The following KIF13A variants were observed in gnomAD, a reference collection of about 807,000 sequenced individuals.
KIF13A encodes kinesin-like protein KIF13A.
A neutral mutation model predicts 212.2 loss-of-function variants in KIF13A; 79 were observed. That is an observed-to-expected ratio of 0.37 (90% CI 0.31 to 0.45). The LOEUF is 0.45. Among genes scored for constraint, KIF13A ranks in the 20% least tolerant of loss-of-function variants. KIF13A has a pLI of 1.00. For missense variants in KIF13A, 1,901 were observed against 2,209.0 expected, an observed-to-expected ratio of 0.86 and a Z score of 2.79; for synonymous variants, 789 against 808.6, an observed-to-expected ratio of 0.98 and a Z score of 0.41.
chr6:17,850,399 A>C lies in KIF13A; in HGVS notation c.641T>G (p.Met214Arg). The change falls in exon 8 of 39, where the codon ATG becomes AGG. Residue 214 changes from methionine to arginine, a missense_variant. By Grantham distance (91) the Met-to-Arg change is moderately conservative (BLOSUM62 -1). Transcript: ENST00000259711. This position sits in a 1 kb window ranked among gnomAD's most constrained non-coding sequence, Gnocchi z 6.2. ...NKSRTVAATN[M>R]NEESSRSHAV... ...ATGGGAGCGGCTGCTTTCTTCGTTCATGTTGGTAGCAGCTACCGTTCGAGA... is the reference window on the plus strand; with the variant it reads ...ATGGGAGCGGCTGCTTTCTTCGTTCCTGTTGGTAGCAGCTACCGTTCGAGA... 1 of 1,613,928 alleles carries C rather than the reference A, an allele frequency of 6.2e-7. No individual in the cohort carries two copies. The highest frequency in any genetic ancestry group is 1.3e-5 in the African/African-American group (1 of 75,036).
chr6:17,790,141 C>A (rs1761407562), intron 25 of KIF13A, among the ~76,000 whole-genome samples: 1 of 152,210 alleles, frequency 6.6e-6, no homozygotes, highest in South Asian at 2.1e-4. Flanking sequence ...TGGGCTCATG[C>A]CCGTAATCCC....
chr6:17,980,449 T>C (rs1396296981), intron 2 of KIF13A, among the ~76,000 whole-genome samples: 1 of 152,140 alleles, frequency 6.6e-6, no homozygotes, highest in African/African-American at 2.4e-5. Context: ...GGGAATCCCC[T>C]GAATGATGGT....
chr6:17,965,035 G>T (rs923986021), intron 2 of KIF13A, among the ~76,000 whole-genome samples: 1 of 151,996 alleles, frequency 6.6e-6, no homozygotes, highest in Non-Finnish European at 1.5e-5. Context: ...CACCATGTTG[G>T]CCAGGCTAGT....
At chr6:17,815,468 G>A in intron 17 of KIF13A, 1 of 182,910 alleles carries the variant, frequency 5.5e-6, no homozygotes, top group Non-Finnish European at 1.2e-5. Context: ...CTAGACCAAG[G>A]CCCGCTAGGT....
chr6:17,926,136 A>G lies in KIF13A; in HGVS notation c.147-27956T>C, dbSNP rs867530223. Among the ~76,000 whole-genome samples, 44 of 152,224 alleles carry G rather than the reference A, an allele frequency of 2.9e-4. No homozygotes were observed. The highest frequency in any genetic ancestry group is 1.0e-3 in the African/African-American group (43 of 41,446). The stretch of plus-strand genomic sequence containing the variant: ...TGTCCACGGTCCTACTAATTCTGAA[A>G]AGAAATGCATTGCTTATCTTGTATT... On this transcript the variant is annotated intron_variant, in intron 2 of 38. Transcript: ENST00000259711. The surrounding 1 kb of genome is among the most constrained non-coding windows in gnomAD (Gnocchi z 4.3).
rs563940502 is a variant in KIF13A at position 17,951,045 on chromosome 6, T to G, written c.146+36009A>C. 4 of 1,037,166 alleles carry G rather than the reference T, an allele frequency of 3.9e-6. No individual in the cohort carries two copies. Among genetic ancestry groups the G allele is most frequent in the East Asian group, 1.5e-4 (2 of 13,286 alleles). The allele number at this position is 1,037,166 out of a possible 1,614,324, so 64.2% of individuals were successfully genotyped here. On this transcript the variant is annotated intron_variant, in intron 2 of 38. Transcript: ENST00000259711. The surrounding 1 kb of genome is among the most constrained non-coding windows in gnomAD (Gnocchi z 4.9). ...TATATGGGCTATCACAAACCCACTT[T>G]AGTAGTACACCTAAGGACACCTAAG...
In KIF13A at chr6:17,859,617, ATT is replaced by A. The variant is rs1270958639; in HGVS notation, c.221-3497_221-3496del. Among the ~76,000 whole-genome samples the A allele has an allele frequency of 4.5e-5, 6 of 132,118 alleles. 1 individual carries two copies. Among genetic ancestry groups the A allele is most frequent in the Non-Finnish European group, 8.1e-5 (5 of 61,480 alleles). 86.7% of individuals were successfully genotyped at this position (132,118 alleles called of 152,430 possible). A position where few individuals can be genotyped will look rare whatever the true frequency, so the allele number is the denominator to read the frequency against. On this transcript the variant is annotated intron_variant, in intron 4 of 38. Coordinates refer to ENST00000259711, the MANE Select transcript of KIF13A (RefSeq NM_022113.6). ...TTATCAACTGTCCTGCTGGCAATGT[ATT>A]TTATATATATATATATATATTTTTT...
rs1371435078 is a variant in KIF13A at position 17,872,750 on chromosome 6, C to G, written c.220+627G>C. ...TCCTGGGCTCAAGGCATTCTCCCGCCTCAGCCTCCCAAGTAGCTGGGATTA... is the reference window on the plus strand; with the variant it reads ...TCCTGGGCTCAAGGCATTCTCCCGCGTCAGCCTCCCAAGTAGCTGGGATTA... On this transcript the variant is annotated intron_variant, in intron 4 of 38. Transcript: ENST00000259711. This position sits in a 1 kb window ranked among gnomAD's most constrained non-coding sequence, Gnocchi z 4.7. Among the ~76,000 whole-genome samples, 1 of 152,120 alleles carries G rather than the reference C, an allele frequency of 6.6e-6. No individual in the cohort carries two copies. The highest frequency in any genetic ancestry group is 1.5e-5 in the Non-Finnish European group (1 of 68,024).
rs576601963 is a variant in KIF13A at position 17,786,321 on chromosome 6, G to C, written c.3362-680C>G. ...ACAGGATTAAAAAACACCATAGGCC[G>C]GGCACGGTGGCTCACGGCTGTAACC... On this transcript the variant is annotated intron_variant, in intron 27 of 38. Transcript: ENST00000259711. The surrounding 1 kb of genome is among the most constrained non-coding windows in gnomAD (Gnocchi z 5.4). 6.6e-6 allele frequency among the ~76,000 whole-genome samples: 1 copy of C among 152,124 alleles called. No individual in the cohort carries two copies. The highest frequency in any genetic ancestry group is 1.5e-5 in the Non-Finnish European group (1 of 68,022).
chr6:17,891,754 C>G (rs553340162), intron 3 of KIF13A, among the ~76,000 whole-genome samples: 1 of 152,038 alleles, frequency 6.6e-6, no homozygotes, highest in Non-Finnish European at 1.5e-5. Flanking sequence ...CTCGGTGAGA[C>G]CCTGTCTCTT....
At chr6:17,962,739 C>T (rs1464452636) in intron 2 of KIF13A, among the ~76,000 whole-genome samples, 1 of 152,214 alleles carries the variant, frequency 6.6e-6, no homozygotes, top group Non-Finnish European at 1.5e-5. Flanking sequence ...GGTCCTCTCT[C>T]TCTCTCTCCC....
intron 2 of KIF13A, among the ~76,000 whole-genome samples, chr6:17,957,387 C>T (rs1778431211): frequency 6.6e-6 from 1 of 152,160 alleles, no homozygotes; most frequent in South Asian, 2.1e-4. Flanking sequence ...GGGATAGGGA[C>T]CCTTGCAGAC....
At chr6:17,788,301 C>T (rs1761229061) in intron 26 of KIF13A, among the ~76,000 whole-genome samples, 1 of 152,142 alleles carries the variant, frequency 6.6e-6, no homozygotes, top group African/African-American at 2.4e-5. Flanking sequence ...CTCCATAGTT[C>T]AGTGGTCTGA....
chr6:17,795,802 T>G (rs1454929560), intron 23 of KIF13A, among the ~76,000 whole-genome samples: 1 of 152,200 alleles, frequency 6.6e-6, no homozygotes, highest in African/African-American at 2.4e-5. Flanking sequence ...CTTTTAATTT[T>G]GATTAAGTCC....
intron 17 of KIF13A, among the ~76,000 whole-genome samples, chr6:17,813,986 T>C: frequency 7.1e-6 from 1 of 141,460 alleles, no homozygotes; most frequent in Non-Finnish European, 1.5e-5. Flanking sequence ...GGAGTCTTGC[T>C]CTGTTGCCCA....
Position 17,772,972 on chromosome 6 carries a change from A to T in KIF13A, c.4324+506T>A, listed in dbSNP as rs183854901. On this transcript the variant is annotated intron_variant, in intron 36 of 38. Transcript: ENST00000259711. The surrounding 1 kb of genome is among the most constrained non-coding windows in gnomAD (Gnocchi z 4.8). ...TACCTACTAATATAAGGTATAAGGT[A>T]ACAGAACCGATATATATGGCCAAAG... Among the ~76,000 whole-genome samples, 5 of 152,352 alleles carry T rather than the reference A, an allele frequency of 3.3e-5. No individual in the cohort carries two copies. The highest frequency in any genetic ancestry group is 3.4e-3 in the Middle Eastern group (1 of 294).
At position 17,764,146 on chromosome 6, in the gene KIF13A, AATT is replaced by A. The variant is rs754643454; in HGVS notation, c.5379_5381del (p.Ile1794del). On this transcript the variant is annotated inframe_deletion, in exon 39 of 39. Coordinates refer to ENST00000259711, the MANE Select transcript of KIF13A (RefSeq NM_022113.6). This position sits in a 1 kb window ranked among gnomAD's most constrained non-coding sequence, Gnocchi z 5.1. ...ACAGAACCCAAAAGGCTGCCTCTGGAATTATTACCTGGTCATTCTCTAACTTGG... is the reference window on the plus strand; with the variant it reads ...ACAGAACCCAAAAGGCTGCCTCTGGAATTACCTGGTCATTCTCTAACTTGG... The A allele has an allele frequency of 6.2e-7, 1 of 1,613,974 alleles. No individual in the cohort carries two copies.
In KIF13A at chr6:17,850,287, A is replaced by G; in HGVS notation, c.717+36T>C. The G allele has an allele frequency of 6.4e-7, 1 of 1,572,534 alleles. No homozygotes were observed. Among genetic ancestry groups the G allele is most frequent in the Non-Finnish European group, 8.6e-7 (1 of 1,156,174 alleles). On this transcript the variant is annotated intron_variant, in intron 8 of 38. Transcript: ENST00000259711. This position sits in a 1 kb window ranked among gnomAD's most constrained non-coding sequence, Gnocchi z 6.2. ...CTATATGGACACTTTCAGTTCTTCC[A>G]CCCCCACTCCAAAAAGGTTCTGCCT...
At chr6:17,805,370 C>CGTGTGTGTGTGTGT (rs59526903) in intron 19 of KIF13A, 105 bp downstream of exon 19, 168 of 738,354 alleles carry the variant, frequency 2.3e-4, no homozygotes, top group South Asian at 4.1e-4. Flanking sequence ...AGCACATCTC[C>CGTGTGTGTGTGTGT]GTGTGTGTGT....
Sources: gnomAD v4.1 joint callset for allele counts (sites outside exome capture counted in the v4.1 genomes callset) on GRCh38, gnomAD v4.1.1 for gene constraint, Gnocchi (gnomAD v3.1) non-coding constraint, MANE v1.5 for transcripts, NCBI Gene and HGNC (gene_info 2026-07-23, HGNC 2026-07-21) for gene names.